Variants in RBFOX1 observed in about 807,000 individuals in gnomAD.
RBFOX1 encodes RNA binding protein fox-1 homolog 1.
In RBFOX1, 8 loss-of-function variants were observed where a neutral mutation model predicts 57.7. That is an observed-to-expected ratio of 0.14 (90% CI 0.08 to 0.25). The LOEUF (loss-of-function observed/expected upper bound fraction) is 0.25, where lower values mean the gene tolerates loss of function less well. Among genes scored for constraint, RBFOX1 ranks in the 10% least tolerant of loss-of-function variants. The pLI is 1.00. For missense variants in RBFOX1, 611 were observed against 548.5 expected, an observed-to-expected ratio of 1.11 and a Z score of -1.14; for synonymous variants, 326 against 222.4, an observed-to-expected ratio of 1.47 and a Z score of -4.15.
chr16:5,450,699 C>T (rs187159537), intron 1 of RBFOX1, among the ~76,000 whole-genome samples: 1 of 152,330 alleles, frequency 6.6e-6, no homozygotes, highest in African/African-American at 2.4e-5. Flanking sequence ...ACCACCACCG[C>T]TCCGTGCTGG....
intron 2 of RBFOX1, among the ~76,000 whole-genome samples, chr16:5,575,301 C>A (rs181854493): frequency 3.3e-4 from 50 of 152,266 alleles, no homozygotes; most frequent in African/African-American, 1.1e-3. Flanking sequence ...TCATCATCAT[C>A]ATTTTCATTA....
intron 5 of RBFOX1, among the ~76,000 whole-genome samples, chr16:7,540,753 G>T (rs995894859): frequency 2.6e-5 from 4 of 152,286 alleles, no homozygotes; most frequent in Admixed American, 2.6e-4. Flanking sequence ...ATTCTTCACC[G>T]AAGGGAGTTC....
intron 4 of RBFOX1, among the ~76,000 whole-genome samples, chr16:7,182,957 C>T (rs1171404520): frequency 6.6e-6 from 1 of 152,192 alleles, no homozygotes; most frequent in East Asian, 1.9e-4. Context: ...TTATCATATG[C>T]ACCTTCCCAC....
intron 4 of RBFOX1, among the ~76,000 whole-genome samples, chr16:5,945,509 G>A (rs1290139809): frequency 6.6e-6 from 1 of 152,208 alleles, no homozygotes; most frequent in Non-Finnish European, 1.5e-5. Context: ...AGCCTTGTCT[G>A]ACTTGCTTAT....
chr16:7,089,515 G>A (rs1033655738), intron 4 of RBFOX1, among the ~76,000 whole-genome samples: 1 of 152,106 alleles, frequency 6.6e-6, no homozygotes, highest in Admixed American at 6.5e-5. Flanking sequence ...AACAGATTCT[G>A]GTTAATTATA....
chr16:6,018,101 C>T (rs755530995), upstream of RBFOX1, among the ~76,000 whole-genome samples: 1 of 151,428 alleles, frequency 6.6e-6, no homozygotes, highest in Non-Finnish European at 1.5e-5. Context: ...CTCACTGAAC[C>T]TCAGACTGAC....
chr16:7,588,139 A>T (rs1025221646), intron 7 of RBFOX1, among the ~76,000 whole-genome samples: 1 of 152,206 alleles, frequency 6.6e-6, no homozygotes, highest in Non-Finnish European at 1.5e-5. Flanking sequence ...AGATTGCACC[A>T]CTGCACCACA....
At chr16:5,300,072 T>A (rs74856169) in intron 1 of RBFOX1, among the ~76,000 whole-genome samples, 3,410 of 152,214 alleles carry the variant, frequency 0.022, 54 homozygotes, top group Non-Finnish European at 0.033. Context: ...AGTTTTTTTT[T>A]CCCTTTTTTC....
chr16:6,584,002 A>T (rs549898570), intron 2 of RBFOX1, among the ~76,000 whole-genome samples: 16 of 47,258 alleles, frequency 3.4e-4, no homozygotes, highest in East Asian at 1.6e-3. Flanking sequence ...AACAACATTT[A>T]AAAAAAAAAA....
chr16:5,833,109 C>A (rs962284451), intron 3 of RBFOX1, among the ~76,000 whole-genome samples: 2 of 152,118 alleles, frequency 1.3e-5, no homozygotes, highest in African/African-American at 4.8e-5. Context: ...TGGGTAAGAA[C>A]CCCATACTAG....
chr16:5,483,976 G>C (rs1192176309), intron 2 of RBFOX1, among the ~76,000 whole-genome samples: 1 of 152,046 alleles, frequency 6.6e-6, no homozygotes, highest in Non-Finnish European at 1.5e-5. Context: ...TTTCAGACTA[G>C]CCTGAGCAAT....
intron 4 of RBFOX1, among the ~76,000 whole-genome samples, chr16:7,319,370 A>G (rs1182453349): frequency 6.6e-6 from 1 of 152,184 alleles, no homozygotes; most frequent in Non-Finnish European, 1.5e-5. Context: ...TTAGTGCCTA[A>G]CCAGCTCAAT....
chr16:7,082,620 ATCAAGTCATTT>A (rs920891804), intron 4 of RBFOX1, among the ~76,000 whole-genome samples: 1 of 152,200 alleles, frequency 6.6e-6, no homozygotes, highest in African/African-American at 2.4e-5. Context: ...AGTTGAGTTT[ATCAAGTCATTT>A]TTCACATTTC....
At chr16:7,191,745 C>T (rs913018448) in intron 4 of RBFOX1, among the ~76,000 whole-genome samples, 1 of 152,134 alleles carries the variant, frequency 6.6e-6, no homozygotes, top group Non-Finnish European at 1.5e-5. Context: ...GGGGTTAGAG[C>T]GAAAGCTGAA....
chr16:5,359,247 G>A (rs886512146), intron 1 of RBFOX1, among the ~76,000 whole-genome samples: 18 of 152,088 alleles, frequency 1.2e-4, no homozygotes, highest in African/African-American at 4.1e-4. Flanking sequence ...TCAAATTTTG[G>A]CTATTGGGAA....
intron 1 of RBFOX1, among the ~76,000 whole-genome samples, chr16:6,246,432 G>C (rs2097569424): frequency 6.6e-6 from 1 of 152,118 alleles, no homozygotes; most frequent in Admixed American, 6.6e-5. Flanking sequence ...GCAAGTAACA[G>C]AACCCCATGC....
intron 5 of RBFOX1, among the ~76,000 whole-genome samples, chr16:7,562,022 A>G (rs1322143347): frequency 2.0e-5 from 3 of 152,206 alleles, no homozygotes; most frequent in African/African-American, 4.8e-5. Context: ...AGATGAGGAA[A>G]AAAAAAATAC....
chr16:6,963,054 C>G (rs1465865848), intron 3 of RBFOX1, among the ~76,000 whole-genome samples: 2 of 152,146 alleles, frequency 1.3e-5, no homozygotes, highest in Admixed American at 6.5e-5. Context: ...ACTGTGTGAA[C>G]TGCCCAAGTC....
chr16:7,541,280 T>G (rs1043822491), intron 5 of RBFOX1, among the ~76,000 whole-genome samples: 1 of 152,190 alleles, frequency 6.6e-6, no homozygotes, highest in African/African-American at 2.4e-5. Flanking sequence ...GTTTATTGCT[T>G]CTAAAAGTGA....
Sources: allele counts gnomAD v4.1 joint callset (sites outside exome capture counted in the v4.1 genomes callset), GRCh38; gene constraint gnomAD v4.1.1; transcripts MANE v1.5; gene names NCBI Gene and HGNC (gene_info 2026-07-23, HGNC 2026-07-21).